SLC15A4: variants seen among roughly 807,000 people sequenced by gnomAD.
SLC15A4 encodes the protein solute carrier family 15 member 4, also known as hPHT1.
Under a neutral mutation model 46.1 loss-of-function variants are expected in SLC15A4, and 26 were observed. That is an observed-to-expected ratio of 0.56 (90% confidence interval 0.41 to 0.78). SLC15A4 has a LOEUF of 0.78. Ranked by LOEUF, SLC15A4 falls within the 30% of genes least tolerant of loss-of-function variation. The probability of loss-of-function intolerance (pLI) is 0.00; values close to 1 mark genes in which losing one functional copy is unlikely to be tolerated. For missense variants in SLC15A4, 751 were observed against 755.7 expected (o/e 0.99, Z 0.07); for synonymous variants, 370 against 333.4 (o/e 1.11, Z -1.20).
In SLC15A4 at chr12:128,794,201, C is replaced by T; in HGVS notation, c.1729G>A (p.Ala577Thr). ...RANGVPTSRRA is the reference protein window; with the variant it reads ...RANGVPTSRRT Reference sequence around the variant, plus strand: ...CGCACATGGCCTCAGGAAGGTCAGGCCCTCCTGCTGGTGGGCACGCCATTG... The same window carrying T: ...CGCACATGGCCTCAGGAAGGTCAGGTCCTCCTGCTGGTGGGCACGCCATTG... Residue 577 changes from alanine to threonine, a missense_variant, in exon 8 of 8, where the codon GCC (alanine) becomes ACC (threonine). Ala to Thr is a moderately conservative substitution (Grantham distance 58, BLOSUM62 0). Coordinates refer to ENST00000266771, the MANE Select transcript of SLC15A4 (RefSeq NM_145648.4). 6.2e-7 allele frequency: 1 copy of T among 1,611,194 alleles called. No individual in the cohort carries two copies. The highest frequency in any genetic ancestry group is 1.3e-5 in the African/African-American group (1 of 74,912).
At position 128,823,467 on chromosome 12, in the gene SLC15A4, C is replaced by T. The variant is rs1376582632; in HGVS notation, c.477G>A (p.Ala159=). Residue 159 remains alanine (A), a synonymous_variant, in exon 1 of 8, where the codon GCG becomes GCA. Coordinates refer to ENST00000266771, the MANE Select transcript of SLC15A4 (RefSeq NM_145648.4). Reference sequence around the variant, plus strand: ...CGCCCAGGCCCACCAGCACCAGCCCCGCGAAGGTGGCCGGTGAGCAGCAGC... The same window carrying T: ...CGCCCAGGCCCACCAGCACCAGCCCTGCGAAGGTGGCCGGTGAGCAGCAGC... ...AARCCSPATF[A]GLVLVGLGVA... is the part of the protein sequence containing the mutation. 1.4e-6 allele frequency: 2 copies of T among 1,481,354 alleles called. No homozygotes were observed. Among genetic ancestry groups the T allele is most frequent in the Non-Finnish European group, 1.8e-6 (2 of 1,123,032 alleles). 91.8% of individuals were successfully genotyped at this position (1,481,354 alleles called of 1,614,324 possible).
At chr12:128,817,138 T>C (rs929794802) in intron 1 of SLC15A4, among the ~76,000 whole-genome samples, 3 of 152,248 alleles carry the variant, frequency 2.0e-5, no homozygotes, top group Admixed American at 2.0e-4. Flanking sequence ...CTCAAGAGTT[T>C]AAACTTTTCT....
chr12:128,802,192 CT>C (rs1447950559), intron 5 of SLC15A4, among the ~76,000 whole-genome samples: 1 of 152,120 alleles, frequency 6.6e-6, no homozygotes, highest in Non-Finnish European at 1.5e-5. Flanking sequence ...ATTTAGAGCC[CT>C]TAGTTGTTCT....
chr12:128,804,805 TG>T (rs2135710126), intron 5 of SLC15A4, among the ~76,000 whole-genome samples: 1 of 152,308 alleles, frequency 6.6e-6, no homozygotes, highest in African/African-American at 2.4e-5. Context: ...GGCAAATGCT[TG>T]GAACTCCTTG....
chr12:128,819,131 C>T (rs561411134), intron 1 of SLC15A4, among the ~76,000 whole-genome samples: 69 of 152,254 alleles, frequency 4.5e-4, no homozygotes, highest in Middle Eastern at 3.4e-3. Context: ...TGGCCGAGCG[C>T]GGTGGCTCAC....
rs1031312276 is a variant in SLC15A4 at position 128,814,864 on chromosome 12, A to C, written c.753T>G (p.Pro251=). ...TGTCGGTGAAGGCACTGCCATCAGG[A>C]GGCTTGGTGATGAAAACGCTCTGGC... ...LCGQSVFITK[P]PDGSAFTDMF... Residue 251 remains proline (P), a synonymous_variant, in exon 2 of 8, where the codon CCT becomes CCG. Transcript: ENST00000266771. The C allele has an allele frequency of 2.8e-5, 46 of 1,614,080 alleles. No homozygotes were observed. The highest frequency in any genetic ancestry group is 4.4e-5 in the South Asian group (4 of 91,088).
intron 1 of SLC15A4, among the ~76,000 whole-genome samples, chr12:128,816,523 T>G (rs1357016958): frequency 6.6e-6 from 1 of 152,156 alleles, no homozygotes; most frequent in Admixed American, 6.5e-5. Flanking sequence ...TAACACATTC[T>G]CAATGGGGCC....
At chr12:128,804,673 T>C (rs942654115) in intron 5 of SLC15A4, among the ~76,000 whole-genome samples, 2 of 152,160 alleles carry the variant, frequency 1.3e-5, no homozygotes, top group Non-Finnish European at 2.9e-5. Flanking sequence ...GACGTTGCAG[T>C]GAGCTGAGAT....
At chr12:128,801,776 T>A (rs1210135726) in intron 5 of SLC15A4, 1 of 152,248 alleles carries the variant, frequency 6.6e-6, no homozygotes, top group East Asian at 1.9e-4. Context: ...TTATAAAGAA[T>A]TCTTATTGCA....
chr12:128,800,431 C>G (rs1955503658), intron 6 of SLC15A4, among the ~76,000 whole-genome samples: 1 of 152,186 alleles, frequency 6.6e-6, no homozygotes, highest in African/African-American at 2.4e-5. Context: ...CAGGATCTCA[C>G]TAATAGGAAA....
Position 128,823,467 on chromosome 12 carries a change from C to G in SLC15A4, c.477G>C (p.Ala159=). Residue 159 remains alanine, a synonymous_variant, in exon 1 of 8, where the codon GCG becomes GCC. Transcript: ENST00000266771. ...AARCCSPATF[A]GLVLVGLGVA... is the part of the protein sequence containing the mutation. ...CGCCCAGGCCCACCAGCACCAGCCC[C>G]GCGAAGGTGGCCGGTGAGCAGCAGC... is the stretch of plus-strand genomic sequence containing the variant. 2.0e-6 allele frequency: 3 copies of G among 1,481,354 alleles called. No homozygotes were observed. The highest frequency in any genetic ancestry group is 1.8e-6 in the Non-Finnish European group (2 of 1,123,032). The allele number at this position is 1,481,354 out of a possible 1,614,324, so 91.8% of individuals were successfully genotyped here.
chr12:128,798,364 C>A (rs1330029324), intron 7 of SLC15A4, among the ~76,000 whole-genome samples: 1 of 152,168 alleles, frequency 6.6e-6, no homozygotes, highest in African/African-American at 2.4e-5. Flanking sequence ...GCACCCACAG[C>A]CAGAAAACAT....
chr12:128,799,342 C>G lies in SLC15A4; in HGVS notation c.1490G>C (p.Gly497Ala). Residue 497 changes from glycine (G) to alanine (A), a missense_variant, in exon 7 of 8, where the codon GGC (glycine) becomes GCC (alanine). By Grantham distance (60) the Gly-to-Ala change is moderately conservative (BLOSUM62 0). Coordinates refer to ENST00000266771, the MANE Select transcript of SLC15A4 (RefSeq NM_145648.4). ...TCCAGAACCCACGAACGACCCGACG[C>G]CAGAGAAGAAAAAGAACAAGCCCAT... ...AIMGLFFFFS[G>A]VGSFVGSGLL... 1 of 1,614,086 alleles carries G rather than the reference C, an allele frequency of 6.2e-7. No individual in the cohort carries two copies. The highest frequency in any genetic ancestry group is 8.5e-7 in the Non-Finnish European group (1 of 1,180,028).
intron 1 of SLC15A4, among the ~76,000 whole-genome samples, chr12:128,817,028 C>G (rs1955763185): frequency 6.6e-6 from 1 of 152,062 alleles, no homozygotes; most frequent in Middle Eastern, 3.2e-3. Flanking sequence ...TGTTTGAAGT[C>G]CAAATGATTA....
In SLC15A4 at chr12:128,809,987, G is replaced by A. The variant is rs1955636903; in HGVS notation, c.967C>T (p.Pro323Ser). 1.2e-6 allele frequency: 2 copies of A among 1,613,940 alleles called. No individual in the cohort carries two copies. Among genetic ancestry groups the A allele is most frequent in the African/African-American group, 1.3e-5 (1 of 74,898 alleles). ...EDVKALVKIV[P>S]VFLALIPYWT... is the part of the protein sequence containing the mutation. Reference sequence around the variant, plus strand: ...TAAGGTATCAAAGCCAAGAAAACAGGGACAATCTTGACCAGAGCTTTCACA... The same window carrying A: ...TAAGGTATCAAAGCCAAGAAAACAGAGACAATCTTGACCAGAGCTTTCACA... The change falls in exon 3 of 8, where the codon CCT (proline) becomes TCT (serine). Residue 323 changes from proline to serine, a missense_variant. Coordinates refer to ENST00000266771, the MANE Select transcript of SLC15A4 (RefSeq NM_145648.4).
rs3765107 is a variant in SLC15A4 at position 128,793,765 on chromosome 12, A to G, written c.*431T>C. ...AAAAAAAAAATCCTCACTTTCTTAA[A>G]TATAAGTAACAGTTTATTAATTTTT... On this transcript the variant is annotated 3_prime_UTR_variant, in exon 8 of 8. Coordinates refer to ENST00000266771, the MANE Select transcript of SLC15A4 (RefSeq NM_145648.4). The G allele has an allele frequency of 0.11, 14,391 of 133,570 alleles. 934 individuals are homozygous for G. Among genetic ancestry groups the G allele is most frequent in the Admixed American group, 0.23 (3,009 of 12,972 alleles). The allele number at this position is 133,570 out of a possible 1,614,324, so 8.3% of individuals were successfully genotyped here.
rs1408683738 is a variant in SLC15A4 at position 128,823,872 on chromosome 12, C to T, written c.72G>A (p.Ala24=). The change falls in exon 1 of 8, where the codon GCG becomes GCA. Residue 24 remains alanine (A), a synonymous_variant. Transcript: ENST00000266771. The part of the protein sequence containing the change: ...LLGARRAAAA[A]AAAGAFAGRR... Reference sequence around the variant, plus strand: ...GGCCCGCGAACGCCCCAGCCGCCGCCGCGGCCGCCGCCGCCCGCCGCGCGC... The same window carrying T: ...GGCCCGCGAACGCCCCAGCCGCCGCTGCGGCCGCCGCCGCCCGCCGCGCGC... The T allele has an allele frequency of 1.4e-5, 14 of 979,356 alleles. No individual in the cohort carries two copies. The South Asian group carries it at 5.5e-4, about 39-fold the overall frequency. The allele number at this position is 979,356 out of a possible 1,614,324, so 60.7% of individuals were successfully genotyped here.
Position 128,815,057 on chromosome 12 carries a change from C to T in SLC15A4, c.560G>A (p.Gly187Asp). 3 of 1,607,450 alleles carry T rather than the reference C, an allele frequency of 1.9e-6. No homozygotes were observed. Among genetic ancestry groups the T allele is most frequent in the East Asian group, 4.5e-5 (2 of 44,684 alleles). Residue 187 changes from glycine (G) to aspartate (D), a missense_variant, in exon 2 of 8, where the codon GGT becomes GAT. Physicochemically the swap from Gly to Asp is moderately conservative, Grantham distance 94. Transcript: ENST00000266771. ...AAAAAATCTCCTAGTGGCTTCCGGACCTCGATCTTTAACCTAAAATAACAG... is the reference window on the plus strand; with the variant it reads ...AAAAAATCTCCTAGTGGCTTCCGGATCTCGATCTTTAACCTAAAATAACAG... ...PFGADQVKDR[G>D]PEATRRFFNW...
In SLC15A4 at chr12:128,799,380, C is replaced by G; in HGVS notation, c.1452G>C (p.Met484Ile). The G allele has an allele frequency of 1.9e-6, 3 of 1,614,194 alleles. No individual in the cohort carries two copies. The highest frequency in any genetic ancestry group is 2.5e-6 in the Non-Finnish European group (3 of 1,180,022). Residue 484 changes from methionine to isoleucine, a missense_variant, in exon 7 of 8, where the codon ATG (methionine) becomes ATC (isoleucine). By Grantham distance (10) the Met-to-Ile change is conservative. Transcript: ENST00000266771. Reference protein sequence around the residue: ...EFAYSAAPKSMQSAIMGLFFF... With the variant: ...EFAYSAAPKSIQSAIMGLFFF... Reference sequence around the variant, plus strand: ...AGAACAAGCCCATTATGGCACTCTGCATGGACTTGGGGGCAGCTGAGTATG... The same window carrying G: ...AGAACAAGCCCATTATGGCACTCTGGATGGACTTGGGGGCAGCTGAGTATG...
Sources: gnomAD v4.1 joint callset for allele counts (sites outside exome capture counted in the v4.1 genomes callset) on GRCh38, gnomAD v4.1.1 for gene constraint, MANE v1.5 for transcripts, NCBI Gene and HGNC (gene_info 2026-07-23, HGNC 2026-07-21) for gene names.